The following SPEF2 variants were observed in gnomAD, a reference collection of about 807,000 sequenced individuals.
The protein encoded by SPEF2 is sperm flagella and cilia-associated protein 2.
SPEF2 carries 187 observed loss-of-function variants against 224.6 expected under a neutral mutation model. The observed-to-expected ratio is 0.83, with a 90% CI of 0.74 to 0.94. SPEF2 has a LOEUF of 0.94. SPEF2 is among the 40% of genes least tolerant of loss of function. SPEF2 has a pLI of 0.00. For synonymous variants in SPEF2, 715 were observed against 707.3 expected (o/e 1.01, Z -0.17); for missense variants, 2,170 against 2,135.6 (o/e 1.02, Z -0.32).
At chr5:35,677,731 G>A (rs1188087478) in intron 10 of SPEF2, among the ~76,000 whole-genome samples, 2 of 152,118 alleles carry the variant, frequency 1.3e-5, no homozygotes, top group Non-Finnish European at 2.9e-5. Context: ...CTAATCAGAA[G>A]CCCCTACCTA....
chr5:35,772,277 C>T (rs546656998), intron 27 of SPEF2, among the ~76,000 whole-genome samples: 11 of 152,222 alleles, frequency 7.2e-5, no homozygotes, highest in African/African-American at 1.9e-4. Flanking sequence ...TTACCCTCCC[C>T]CTCTGAAGTG....
chr5:35,677,631 C>A (rs1027226233), intron 10 of SPEF2, among the ~76,000 whole-genome samples: 5 of 152,158 alleles, frequency 3.3e-5, no homozygotes, highest in Non-Finnish European at 7.3e-5. Context: ...GAGAATGGAA[C>A]AAGGAGTAGG....
rs114749286 is a variant in SPEF2, at chr5:35,693,334, C to T, written c.1899+610C>T. ...TCTCCAGTCTCACAGTGGTCGGCTG[C>T]TTAAGTGGTGTTCAGAAACTGTATG... On this transcript the variant is annotated intron_variant, in intron 12 of 36. Transcript: ENST00000356031. Among the ~76,000 whole-genome samples, 1,368 of 152,174 alleles carry T rather than the reference C, an allele frequency of 9.0e-3. 17 individuals are homozygous for T. Among genetic ancestry groups the T allele is most frequent in the African/African-American group, 0.032 (1,331 of 41,498 alleles).
chr5:35,783,909 C>G (rs1207907745), intron 30 of SPEF2, among the ~76,000 whole-genome samples: 1 of 152,122 alleles, frequency 6.6e-6, no homozygotes, highest in African/African-American at 2.4e-5. Context: ...AACTCTTTTT[C>G]CTTGTAAGCC....
rs943863354 is a variant in SPEF2, at chr5:35,755,152, A to G, written c.3468+1391A>G. On this transcript the variant is annotated intron_variant, in intron 24 of 36. Transcript: ENST00000356031. ...GATTGTAAAGAGAAGATGGAGTTAGAAAGATGTCATCCAAAGCAGAGGACA... is the reference window on the plus strand; with the variant it reads ...GATTGTAAAGAGAAGATGGAGTTAGGAAGATGTCATCCAAAGCAGAGGACA... 3.3e-5 allele frequency among the ~76,000 whole-genome samples: 5 copies of G among 152,352 alleles called. No homozygotes were observed. The Middle Eastern group carries it at 0.01, about 311-fold the overall frequency.
chr5:35,795,753 T>C lies in SPEF2; in HGVS notation c.4788T>C (p.Pro1596=). 1 of 1,613,998 alleles carries C rather than the reference T, an allele frequency of 6.2e-7. No individual in the cohort carries two copies. The highest frequency in any genetic ancestry group is 8.5e-7 in the Non-Finnish European group (1 of 1,179,872). The part of the protein sequence containing the change: ...GDEDIKIPEN[P]LEPLPFNRQE... ...AAGATATAAAAATTCCAGAAAATCC[T>C]CTTGAACCCCTTCCATTTAATAGGC... is the stretch of plus-strand genomic sequence containing the variant. The change falls in exon 33 of 37, where the codon CCT becomes CCC. Residue 1596 remains proline, a synonymous_variant. Coordinates refer to ENST00000356031, the MANE Select transcript of SPEF2 (RefSeq NM_024867.4).
intron 36 of SPEF2, among the ~76,000 whole-genome samples, 200 bp from the exon 37 acceptor site, chr5:35,814,264 G>A (rs189616262): frequency 2.0e-4 from 31 of 152,298 alleles, no homozygotes; most frequent in African/African-American, 7.2e-4. Context: ...CAAGATCTTA[G>A]ATAATTTTCC....
At chr5:35,666,758 G>A (rs937975407) in intron 8 of SPEF2, among the ~76,000 whole-genome samples, 2 of 152,134 alleles carry the variant, frequency 1.3e-5, no homozygotes, top group Admixed American at 6.6e-5. Flanking sequence ...ATTTGCAACC[G>A]GTGAACTCAG....
rs114571228 is a variant in SPEF2 at position 35,664,678 on chromosome 5, C to T, written c.1168-2394C>T. 9.3e-3 allele frequency among the ~76,000 whole-genome samples: 1,321 copies of T among 141,792 alleles called. 16 individuals are homozygous for T. Among genetic ancestry groups the T allele is most frequent in the African/African-American group, 0.034 (1,287 of 37,698 alleles). The allele number at this position is 141,792 out of a possible 152,430, so 93.0% of individuals were successfully genotyped here. On this transcript the variant is annotated intron_variant, in intron 8 of 36. Coordinates refer to ENST00000356031, the MANE Select transcript of SPEF2 (RefSeq NM_024867.4). ...TCTGGATGACAGCAAGACTCCATCT[C>T]GGGGGAAAGGAAGGGAAAGAAGAGA...
chr5:35,630,768 C>T (rs1361545463), intron 2 of SPEF2, among the ~76,000 whole-genome samples: 1 of 152,172 alleles, frequency 6.6e-6, no homozygotes, highest in Non-Finnish European at 1.5e-5. Context: ...CAAAGTTCCA[C>T]AGATCTCTAG....
In SPEF2 at chr5:35,771,668, C is replaced by A. The variant is rs746311591; in HGVS notation, c.3861C>A (p.Asp1287Glu). ...MEEEKENQPA[D>E]PKEKSPQMGA... The stretch of plus-strand genomic sequence containing the variant: ...AAGAAAAAGAAAACCAGCCAGCAGA[C>A]CCCAAAGAAAAATCTCCTCAGATGG... The change falls in exon 27 of 37, where the codon GAC (aspartate) becomes GAA (glutamate). Residue 1287 changes from aspartate to glutamate, a missense_variant. Transcript: ENST00000356031. The A allele has an allele frequency of 1.2e-6, 2 of 1,611,724 alleles. No individual in the cohort carries two copies. The highest frequency in any genetic ancestry group is 2.2e-5 in the South Asian group (2 of 90,610).
intron 34 of SPEF2, among the ~76,000 whole-genome samples, chr5:35,804,532 C>T (rs1757828327): frequency 6.6e-6 from 1 of 152,168 alleles, no homozygotes; most frequent in Admixed American, 6.5e-5. Context: ...ACCATGCCAA[C>T]TTCTTCAGTT....
intron 30 of SPEF2, chr5:35,789,826 C>A (rs1270398155): frequency 4.3e-6 from 3 of 702,800 alleles, no homozygotes; most frequent in Non-Finnish European, 7.8e-6. Flanking sequence ...AGGTATCCAT[C>A]CTGACTGCAC....
At chr5:35,812,068 A>G (rs1046973468) in intron 36 of SPEF2, among the ~76,000 whole-genome samples, 4 of 152,042 alleles carry the variant, frequency 2.6e-5, no homozygotes, top group Non-Finnish European at 4.4e-5. Flanking sequence ...GATTACAGGC[A>G]TGAGCCACCG....
At chr5:35,637,139 T>A (rs73747491) in intron 2 of SPEF2, among the ~76,000 whole-genome samples, 14,439 of 152,062 alleles carry the variant, frequency 0.095, 846 homozygotes, top group East Asian at 0.17. Flanking sequence ...ATAGCCACCA[T>A]GGAGCTAGGG....
intron 20 of SPEF2, among the ~76,000 whole-genome samples, chr5:35,714,680 TTTTATTTA>T (rs70973053): frequency 0.014 from 1,934 of 134,550 alleles, 41 homozygotes; most frequent in African/African-American, 0.05. Flanking sequence ...TTGGGTTTAT[TTTTATTTA>T]TTTATTTATT....
intron 1 of SPEF2, among the ~76,000 whole-genome samples, chr5:35,627,994 T>C (rs1744506978): frequency 6.6e-6 from 1 of 152,238 alleles, no homozygotes; most frequent in African/African-American, 2.4e-5. Flanking sequence ...CAAATGGCTT[T>C]AGTAAACTTT....
intron 6 of SPEF2, among the ~76,000 whole-genome samples, chr5:35,651,877 G>A (rs961024711): frequency 2.6e-5 from 4 of 152,112 alleles, no homozygotes; most frequent in Admixed American, 2.6e-4. Flanking sequence ...CCTCATGGCT[G>A]GTTTTTCCCC....
At chr5:35,765,892 A>AT (rs1752028735) in intron 26 of SPEF2, among the ~76,000 whole-genome samples, 1 of 151,904 alleles carries the variant, frequency 6.6e-6, no homozygotes, top group Admixed American at 6.6e-5. Context: ...GTATTATATA[A>AT]TTTTTTCTGC....
Sources: gnomAD v4.1 joint callset for allele counts (sites outside exome capture counted in the v4.1 genomes callset) on GRCh38, gnomAD v4.1.1 for gene constraint, MANE v1.5 for transcripts, NCBI Gene and HGNC (gene_info 2026-07-23, HGNC 2026-07-21) for gene names.